The following PHACTR2 variants were observed in gnomAD, a reference collection of about 807,000 sequenced individuals.
PHACTR2 encodes chromosome 6 open reading frame 56.
A neutral mutation model predicts 76.0 loss-of-function variants in PHACTR2; 30 were observed. The ratio of observed to expected loss-of-function variants is 0.39; its 90% confidence interval spans 0.30 to 0.54. The LOEUF is 0.54. Among genes scored for constraint, PHACTR2 ranks in the 20% least tolerant of loss-of-function variants. PHACTR2 has a pLI of 0.61. For missense variants in PHACTR2, 696 were observed against 781.1 expected, an observed-to-expected ratio of 0.89 and a Z score of 1.30; for synonymous variants, 292 against 292.5, an observed-to-expected ratio of 1.00 and a Z score of 0.02.
intron 2 of PHACTR2, among the ~76,000 whole-genome samples, chr6:143,732,479 A>T (rs1166274921): frequency 6.6e-6 from 1 of 152,230 alleles, no homozygotes; most frequent in East Asian, 1.9e-4. Context: ...TCAAATACCA[A>T]ACATTCCATT....
At chr6:143,638,420 C>G (rs191842228) in intron 1 of PHACTR2, among the ~76,000 whole-genome samples, 13 of 151,906 alleles carry the variant, frequency 8.6e-5, no homozygotes, top group Admixed American at 7.2e-4. Context: ...TGGTGCATGC[C>G]CATAGTCCCA....
At chr6:143,715,004 T>C (rs1273953292) in intron 2 of PHACTR2, among the ~76,000 whole-genome samples, 1 of 152,156 alleles carries the variant, frequency 6.6e-6, no homozygotes, top group Non-Finnish European at 1.5e-5. Context: ...CACAGTGTAT[T>C]ACCATCAAAA....
chr6:143,631,205 T>C (rs1776357305), intron 1 of PHACTR2, among the ~76,000 whole-genome samples: 1 of 152,150 alleles, frequency 6.6e-6, no homozygotes, highest in Admixed American at 6.5e-5. Context: ...TCATTTGTTT[T>C]TTAGAGACAG....
In PHACTR2 at chr6:143,541,587, C is replaced by G. The variant is rs1316485539; in HGVS notation, c.217+4380C>G. On this transcript the variant is annotated intron_variant, in intron 1 of 11. Coordinates refer to the PHACTR2 transcript ENST00000367584. This position sits in a 1 kb window ranked among gnomAD's most constrained non-coding sequence, Gnocchi z 5.3. ...TCATCTTTTTATTACTGTGATTCAT[C>G]TCTTCAGTATCCCTATGCCCTGGTA... is the stretch of plus-strand genomic sequence containing the variant. Among the ~76,000 whole-genome samples the G allele has an allele frequency of 6.6e-6, 1 of 152,150 alleles. No individual in the cohort carries two copies. Among genetic ancestry groups the G allele is most frequent in the East Asian group, 1.9e-4 (1 of 5,198 alleles).
At chr6:143,665,446 A>G (rs1048025230) in intron 1 of PHACTR2, among the ~76,000 whole-genome samples, 7 of 152,200 alleles carry the variant, frequency 4.6e-5, no homozygotes, top group African/African-American at 1.7e-4. Flanking sequence ...CAGACATCTC[A>G]AAACTGAACT....
At position 143,570,973 on chromosome 6, in the gene PHACTR2, T is replaced by C. The variant is rs1775440141; in HGVS notation, c.217+33766T>C. Among the ~76,000 whole-genome samples the C allele has an allele frequency of 6.6e-6, 1 of 152,174 alleles. No homozygotes were observed. Among genetic ancestry groups the C allele is most frequent in the African/African-American group, 2.4e-5 (1 of 41,438 alleles). On this transcript the variant is annotated intron_variant, in intron 1 of 11. Coordinates refer to the PHACTR2 transcript ENST00000367584. This position sits in a 1 kb window ranked among gnomAD's most constrained non-coding sequence, Gnocchi z 4.6. ...CTCGAAGACGCAAATTATATTCCTA[T>C]TTTTCATGAAATTTAAAAAACTTTC...
At chr6:143,575,995 T>C (rs1433583335) in intron 1 of PHACTR2, among the ~76,000 whole-genome samples, 2 of 152,252 alleles carry the variant, frequency 1.3e-5, no homozygotes, top group Non-Finnish European at 2.9e-5. Context: ...ATTTCTGGAA[T>C]GAGATATATC....
intron 2 of PHACTR2, among the ~76,000 whole-genome samples, chr6:143,747,825 C>T (rs1183564049): frequency 6.6e-6 from 1 of 152,170 alleles, no homozygotes; most frequent in Non-Finnish European, 1.5e-5. Context: ...GACATGACCA[C>T]ATGTTAATTT....
In PHACTR2 at chr6:143,608,444, C is replaced by G; in HGVS notation, c.13+122C>G. On this transcript the variant is annotated intron_variant, in intron 1 of 11. Transcript: ENST00000305766. The surrounding 1 kb of genome is among the most constrained non-coding windows in gnomAD (Gnocchi z 4.6). ...TGCACTTAAATGTTCAAGACTGAGA[C>G]GCGTGTAATATGTGAACCCCGATGC... 1 of 946,772 alleles carries G rather than the reference C, an allele frequency of 1.1e-6. No individual in the cohort carries two copies. The allele number at this position is 946,772 out of a possible 1,614,324, so 58.6% of individuals were successfully genotyped here.
intron 2 of PHACTR2, among the ~76,000 whole-genome samples, chr6:143,717,240 A>G (rs1158747951): frequency 6.6e-6 from 1 of 152,110 alleles, no homozygotes; most frequent in Non-Finnish European, 1.5e-5. Context: ...CTATTGAAAT[A>G]CTACCAATCA....
rs1212243546 is a variant in PHACTR2 at position 143,557,265 on chromosome 6, AC to A, written c.217+20060del. Among the ~76,000 whole-genome samples, 1 of 152,176 alleles carries A rather than the reference AC, an allele frequency of 6.6e-6. No homozygotes were observed. On this transcript the variant is annotated intron_variant, in intron 1 of 11. Transcript: ENST00000367584. The surrounding 1 kb of genome is among the most constrained non-coding windows in gnomAD (Gnocchi z 5.5). Reference sequence around the variant, plus strand: ...CTCTCAACCATATTTCATCCTCATAACCTTTTGAATCCAGTGGGACTTTTAT... The same window carrying A: ...CTCTCAACCATATTTCATCCTCATAACTTTTGAATCCAGTGGGACTTTTAT...
chr6:143,555,881 T>A (rs1228592662), intron 1 of PHACTR2, among the ~76,000 whole-genome samples: 1 of 150,706 alleles, frequency 6.6e-6, no homozygotes, highest in Non-Finnish European at 1.5e-5. Flanking sequence ...TACAATATAA[T>A]CACCACCGAC....
intron 1 of PHACTR2, among the ~76,000 whole-genome samples, chr6:143,665,476 T>C (rs888227028): frequency 7.9e-5 from 12 of 152,242 alleles, no homozygotes; most frequent in Non-Finnish European, 1.8e-4. Context: ...CTATTCCAAA[T>C]CCACTCCACT....
At chr6:143,630,247 T>C (rs1666873347) in intron 1 of PHACTR2, among the ~76,000 whole-genome samples, 1 of 67,674 alleles carries the variant, frequency 1.5e-5, no homozygotes, top group Non-Finnish European at 5.0e-5. Context: ...TCTTGTTTTG[T>C]ATGAATGCAA....
At chr6:143,797,664 T>C (rs1316516047) in intron 11 of PHACTR2, among the ~76,000 whole-genome samples, 1 of 152,212 alleles carries the variant, frequency 6.6e-6, no homozygotes, top group East Asian at 1.9e-4. Flanking sequence ...GTTTATTAAA[T>C]AGGGAATCTT....
intron 11 of PHACTR2, among the ~76,000 whole-genome samples, chr6:143,792,621 G>T (rs1775717772): frequency 6.6e-6 from 1 of 152,080 alleles, no homozygotes; most frequent in African/African-American, 2.4e-5. Context: ...GGTTGACTAA[G>T]GTCACTCAAT....
At chr6:143,605,783 G>A (rs114044505), upstream of PHACTR2, among the ~76,000 whole-genome samples, 1,532 of 152,086 alleles carry the variant, frequency 0.01, 35 homozygotes, top group African/African-American at 0.034. This position sits in a 1 kb window ranked among gnomAD's most constrained non-coding sequence, Gnocchi z 5.0. Context: ...AATACCTAGG[G>A]GAATCCTGTG....
rs1301341065 is a variant in PHACTR2, at chr6:143,767,548, A to G, written c.1232+1750A>G. 6.6e-6 allele frequency among the ~76,000 whole-genome samples: 1 copy of G among 152,186 alleles called. No individual in the cohort carries two copies. The highest frequency in any genetic ancestry group is 2.4e-5 in the African/African-American group (1 of 41,446). On this transcript the variant is annotated intron_variant, in intron 6 of 12. Transcript: ENST00000440869. The surrounding 1 kb of genome is among the most constrained non-coding windows in gnomAD (Gnocchi z 4.4). The stretch of plus-strand genomic sequence containing the variant: ...TTCTTAGGACATTTTGTGCTGCTGT[A>G]ATAGAGTACCTGAGACTGGGTAATT...
At chr6:143,538,853 G>A (rs1380916301) in intron 1 of PHACTR2, among the ~76,000 whole-genome samples, 3 of 152,214 alleles carry the variant, frequency 2.0e-5, no homozygotes, top group African/African-American at 4.8e-5. Flanking sequence ...AATAGAGGTA[G>A]TGGGATTTGT....
Sources: gnomAD v4.1 joint callset for allele counts (sites outside exome capture counted in the v4.1 genomes callset) on GRCh38, gnomAD v4.1.1 for gene constraint, Gnocchi (gnomAD v3.1) non-coding constraint, MANE v1.5 for transcripts, NCBI Gene and HGNC (gene_info 2026-07-23, HGNC 2026-07-21) for gene names.